SPATS2: variants seen among roughly 807,000 people sequenced by gnomAD.
SPATS2 encodes the protein spermatogenesis associated serine rich 2.
In SPATS2, 38 loss-of-function variants were observed where a neutral mutation model predicts 63.7. That is an observed-to-expected ratio of 0.60 (90% confidence interval 0.46 to 0.78). The LOEUF is 0.78. SPATS2 is among the 30% of genes least tolerant of loss of function. SPATS2 has a pLI of 0.00. For missense variants in SPATS2, 588 were observed against 666.2 expected (o/e 0.88, Z 1.29); for synonymous variants, 207 against 232.9 (o/e 0.89, Z 1.01).
intron 2 of SPATS2, among the ~76,000 whole-genome samples, chr12:49,378,943 A>G (rs1409006668): frequency 6.6e-6 from 1 of 151,172 alleles, no homozygotes; most frequent in Non-Finnish European, 1.5e-5. Flanking sequence ...TTTGAGATGG[A>G]GTCTCCCTCT....
chr12:49,483,424 A>G (rs938284278), intron 3 of SPATS2, among the ~76,000 whole-genome samples: 1 of 152,084 alleles, frequency 6.6e-6, no homozygotes, highest in African/African-American at 2.4e-5. Flanking sequence ...TCTCTTTTCA[A>G]TTAATAAAGA....
intron 2 of SPATS2, among the ~76,000 whole-genome samples, chr12:49,424,756 A>G (rs1454171152): frequency 3.3e-5 from 5 of 152,126 alleles, no homozygotes; most frequent in Non-Finnish European, 5.9e-5. Context: ...GGCTCACTGC[A>G]ACCTCCGCCC....
intron 2 of SPATS2, among the ~76,000 whole-genome samples, chr12:49,402,222 G>A (rs948179937): frequency 1.3e-5 from 2 of 152,166 alleles, no homozygotes; most frequent in African/African-American, 4.8e-5. Flanking sequence ...TTTAATCAGG[G>A]TTGGTGTTTT....
At chr12:49,483,547 T>C (rs901087773) in intron 3 of SPATS2, among the ~76,000 whole-genome samples, 6 of 152,192 alleles carry the variant, frequency 3.9e-5, no homozygotes, top group Admixed American at 1.3e-4. Context: ...ATGGCCGGTA[T>C]TAACAAAAGT....
At chr12:49,499,452 T>G (rs1388811726) in intron 8 of SPATS2, among the ~76,000 whole-genome samples, 1 of 151,104 alleles carries the variant, frequency 6.6e-6, no homozygotes, top group African/African-American at 2.4e-5. Context: ...TTTTGGTGGT[T>G]CTTTGGTTTT....
intron 10 of SPATS2, among the ~76,000 whole-genome samples, chr12:49,518,207 C>G (rs1420338939): frequency 6.6e-6 from 1 of 152,132 alleles, no homozygotes; most frequent in Non-Finnish European, 1.5e-5. Context: ...TCAAATCTTG[C>G]TGGATGGGAA....
rs1565760951 is a variant in SPATS2, at chr12:49,516,195, ATAT to A, written c.898+1583_898+1585del. ...TATATATATATATATATATATATAT[ATAT>A]ATATATATATAAATCAGGCATGGGG... On this transcript the variant is annotated intron_variant, in intron 10 of 13. Transcript: ENST00000552918. Among the ~76,000 whole-genome samples, 28 of 107,240 alleles carry A rather than the reference ATAT, an allele frequency of 2.6e-4. 2 individuals are homozygous for A. The highest frequency in any genetic ancestry group is 9.8e-4 in the African/African-American group (28 of 28,712). 70.4% of individuals were successfully genotyped at this position (107,240 alleles called of 152,430 possible).
At chr12:49,443,655 T>G (rs1487821052) in intron 2 of SPATS2, among the ~76,000 whole-genome samples, 1 of 152,168 alleles carries the variant, frequency 6.6e-6, no homozygotes, top group Non-Finnish European at 1.5e-5. Context: ...TTGAGTTAAT[T>G]TTTATATATA....
chr12:49,386,828 G>T (rs1189722507), intron 2 of SPATS2, among the ~76,000 whole-genome samples: 1 of 152,110 alleles, frequency 6.6e-6, no homozygotes, highest in Non-Finnish European at 1.5e-5. Flanking sequence ...GGAGCTAATT[G>T]ATATTGTGAA....
At position 49,392,305 on chromosome 12, in the gene SPATS2, CTATTT is replaced by C. The variant is rs1944431968; in HGVS notation, c.-244+21020_-244+21024del. Among the ~76,000 whole-genome samples, 3 of 151,808 alleles carry C rather than the reference CTATTT, an allele frequency of 2.0e-5. No individual in the cohort carries two copies. The South Asian group carries it at 6.2e-4, about 31-fold the overall frequency. ...TCTGAGGTATGTACTGCATGGGAACCTATTTTATTATTAAAGATGAGTGATTAAAA... is the reference window on the plus strand; with the variant it reads ...TCTGAGGTATGTACTGCATGGGAACCTATTATTAAAGATGAGTGATTAAAA... On this transcript the variant is annotated intron_variant, in intron 2 of 13. Coordinates refer to ENST00000552918, the MANE Select transcript of SPATS2 (RefSeq NM_023071.4).
chr12:49,444,787 A>G (rs1403495035), intron 2 of SPATS2, among the ~76,000 whole-genome samples: 1 of 151,806 alleles, frequency 6.6e-6, no homozygotes, highest in East Asian at 1.9e-4. Context: ...TATTTTTAGT[A>G]GAGATGGGGT....
At chr12:49,470,843 A>G (rs1946022708) in intron 3 of SPATS2, among the ~76,000 whole-genome samples, 1 of 152,212 alleles carries the variant, frequency 6.6e-6, no homozygotes, top group Admixed American at 6.5e-5. Context: ...AAAACTTTAA[A>G]CTTATATTCA....
chr12:49,377,126 T>C (rs1438246698), intron 2 of SPATS2, among the ~76,000 whole-genome samples: 2 of 152,206 alleles, frequency 1.3e-5, no homozygotes, highest in Non-Finnish European at 2.9e-5. Context: ...TCTAATTTCT[T>C]AAGTTGATAA....
At chr12:49,504,552 G>A (rs1257645332) in intron 9 of SPATS2, among the ~76,000 whole-genome samples, 2 of 152,048 alleles carry the variant, frequency 1.3e-5, no homozygotes, top group African/African-American at 4.8e-5. Flanking sequence ...TACACACTCA[G>A]CTTCTCTTTT....
At chr12:49,490,786 T>G in intron 6 of SPATS2, 55 bp downstream of exon 6, 4 of 1,516,486 alleles carry the variant, frequency 2.6e-6, no homozygotes, top group Non-Finnish European at 3.6e-6. Context: ...TTTAAAAATT[T>G]AGGCTCTGCA....
intron 2 of SPATS2, among the ~76,000 whole-genome samples, chr12:49,414,751 C>T (rs1355763488): frequency 2.0e-5 from 3 of 151,844 alleles, no homozygotes; most frequent in Non-Finnish European, 4.4e-5. Flanking sequence ...TATAGGCAGG[C>T]ACATGCCTGG....
At chr12:49,369,920 T>A (rs1943969355) in intron 1 of SPATS2, among the ~76,000 whole-genome samples, 1 of 152,160 alleles carries the variant, frequency 6.6e-6, no homozygotes, top group South Asian at 2.1e-4. Flanking sequence ...CCACAATTGG[T>A]ACTAGCATTA....
At chr12:49,423,600 C>G (rs1175783654) in intron 2 of SPATS2, among the ~76,000 whole-genome samples, 6 of 152,148 alleles carry the variant, frequency 3.9e-5, no homozygotes, top group African/African-American at 1.4e-4. Flanking sequence ...CAAACTCTCA[C>G]AAAGCTTAGA....
intron 2 of SPATS2, among the ~76,000 whole-genome samples, chr12:49,379,200 G>T (rs1282359478): frequency 6.6e-6 from 1 of 151,550 alleles, no homozygotes; most frequent in Admixed American, 6.6e-5. Flanking sequence ...GATTACAGGT[G>T]TGAGCCACTG....
Sources: allele counts gnomAD v4.1 joint callset (sites outside exome capture counted in the v4.1 genomes callset), GRCh38; gene constraint gnomAD v4.1.1; transcripts MANE v1.5; gene names NCBI Gene and HGNC (gene_info 2026-07-23, HGNC 2026-07-21).